The following AKAP11 variants were observed in gnomAD, a reference collection of about 807,000 sequenced individuals.
AKAP11 encodes the protein A-kinase anchor protein 11.
AKAP11 carries 36 observed loss-of-function variants against 146.1 expected under a neutral mutation model. The observed-to-expected ratio is 0.25, with a 90% CI of 0.19 to 0.33. The LOEUF (loss-of-function observed/expected upper bound fraction) is 0.33, where lower values mean the gene tolerates loss of function less well. Ranked by LOEUF, AKAP11 falls within the 10% of genes least tolerant of loss-of-function variation. The probability of loss-of-function intolerance (pLI) is 1.00; values close to 1 mark genes in which losing one functional copy is unlikely to be tolerated. For synonymous variants in AKAP11, 780 were observed against 786.5 expected (o/e 0.99, Z 0.14); for missense variants, 2,201 against 2,197.0 (o/e 1.00, Z -0.04).
chr13:42,305,976 TG>T (rs1960233454), intron 8 of AKAP11, among the ~76,000 whole-genome samples: 1 of 152,126 alleles, frequency 6.6e-6, no homozygotes, highest in African/African-American at 2.4e-5. Context: ...ACTCCCTCAC[TG>T]TCATGAGAAC....
chr13:42,292,859 T>G (rs558513331), intron 4 of AKAP11, among the ~76,000 whole-genome samples: 2 of 152,224 alleles, frequency 1.3e-5, no homozygotes, highest in Non-Finnish European at 2.9e-5. Flanking sequence ...ATGATTCTTA[T>G]GTTGATTTTT....
rs768294940 is a variant in AKAP11, at chr13:42,303,080, A to G, written c.4334A>G (p.Asp1445Gly). ...AATCAAACTTGTGAAAGGACCCTGG[A>G]TCCATATAGAAATGAGGTCTCCCAA... ...CKNQTCERTL[D>G]PYRNEVSQLY... Residue 1445 changes from aspartate (D) to glycine (G), a missense_variant, in exon 8 of 13, where the codon GAT becomes GGT. Around this residue, in one of 3 missense-constraint regions of AKAP11, gnomAD observed 1,867 missense variants for 1,833.5 expected, o/e 1.02. Transcript: ENST00000025301. 1.1e-5 allele frequency: 18 copies of G among 1,613,734 alleles called. No homozygotes were observed. Among genetic ancestry groups the G allele is most frequent in the Non-Finnish European group, 1.5e-5 (18 of 1,179,960 alleles).
intron 5 of AKAP11, 76 bp downstream of exon 5, chr13:42,295,818 T>G: frequency 7.2e-7 from 1 of 1,390,672 alleles, no homozygotes; most frequent in Non-Finnish European, 1.0e-6. Flanking sequence ...CAAAAGTCAT[T>G]TATCTGAGAA....
intron 8 of AKAP11, among the ~76,000 whole-genome samples, chr13:42,304,285 G>C (rs769261567): frequency 6.6e-6 from 1 of 152,210 alleles, no homozygotes; most frequent in Admixed American, 6.5e-5. Context: ...TGCATGTTCT[G>C]AGTAGCATGA....
Position 42,319,366 on chromosome 13 carries a change from C to T in AKAP11, c.*138C>T, listed in dbSNP as rs906939167. 41 of 1,135,614 alleles carry T rather than the reference C, an allele frequency of 3.6e-5. No homozygotes were observed. Among genetic ancestry groups the T allele is most frequent in the Non-Finnish European group, 4.6e-5 (38 of 823,090 alleles). The allele number at this position is 1,135,614 out of a possible 1,614,324, so 70.3% of individuals were successfully genotyped here. On this transcript the variant is annotated 3_prime_UTR_variant, in exon 13 of 13. Transcript: ENST00000025301. ...AGGCAAGTAAATATAGCTTTCTGAG[C>T]GCTTTGTGTTATCACTCGGTGTATA...
chr13:42,283,561 G>A (rs930099764), intron 1 of AKAP11, among the ~76,000 whole-genome samples: 9 of 152,100 alleles, frequency 5.9e-5, no homozygotes, highest in African/African-American at 1.7e-4. Context: ...GTCAAATCCC[G>A]GATGTTGTTT....
intron 9 of AKAP11, among the ~76,000 whole-genome samples, chr13:42,309,905 A>T (rs557845974): frequency 3.9e-5 from 6 of 152,364 alleles, no homozygotes; most frequent in African/African-American, 1.4e-4. Flanking sequence ...ACTTGTAGTC[A>T]GTTGAACAAC....
At chr13:42,314,122 T>C (rs1021193646) in intron 11 of AKAP11, among the ~76,000 whole-genome samples, 182 bp downstream of exon 11, 2 of 152,188 alleles carry the variant, frequency 1.3e-5, no homozygotes, top group African/African-American at 2.4e-5. Flanking sequence ...TTTTATTTGA[T>C]TGCTACACTA....
At chr13:42,285,105 G>A (rs1335171184) in intron 1 of AKAP11, among the ~76,000 whole-genome samples, 2 of 152,104 alleles carry the variant, frequency 1.3e-5, no homozygotes, top group African/African-American at 4.8e-5. Context: ...AAGTTCTGAC[G>A]GTGGGGGGCT....
chr13:42,286,084 TATA>T (rs1302045176), intron 2 of AKAP11, 49 bp downstream of exon 2: 6 of 235,826 alleles, frequency 2.5e-5, no homozygotes, highest in Admixed American at 1.7e-4. Flanking sequence ...ATAAGATTTT[TATA>T]ATAATTTTCT....
chr13:42,276,481 A>G (rs1958921281), intron 1 of AKAP11, among the ~76,000 whole-genome samples: 1 of 152,166 alleles, frequency 6.6e-6, no homozygotes, highest in African/African-American at 2.4e-5. Flanking sequence ...CCTGGGCTCA[A>G]GCCGTCCACC....
chr13:42,295,072 C>T (rs967187948), intron 4 of AKAP11, among the ~76,000 whole-genome samples: 4 of 152,110 alleles, frequency 2.6e-5, no homozygotes, highest in Admixed American at 1.3e-4. Context: ...GGTGGTATCA[C>T]AGAGTCAATG....
At position 42,302,143 on chromosome 13, in the gene AKAP11, G is replaced by A; in HGVS notation, c.3397G>A (p.Ala1133Thr). The change falls in exon 8 of 13, where the codon GCA (alanine) becomes ACA (threonine). Residue 1133 changes from alanine (A) to threonine (T), a missense_variant. Physicochemically the swap from Ala to Thr is moderately conservative, Grantham distance 58. Transcript: ENST00000025301. ...CAAGGGAGAATTAGCCAAAGAGTTTGCACCTGCTACACCACCTTCTACTCC... is the reference window on the plus strand; with the variant it reads ...CAAGGGAGAATTAGCCAAAGAGTTTACACCTGCTACACCACCTTCTACTCC... ...KLKGELAKEF[A>T]PATPPSTPHN... 3.1e-6 allele frequency: 5 copies of A among 1,614,168 alleles called. No individual in the cohort carries two copies. Among genetic ancestry groups the A allele is most frequent in the Non-Finnish European group, 4.2e-6 (5 of 1,180,016 alleles).
At chr13:42,293,199 G>A (rs1383830914) in intron 4 of AKAP11, among the ~76,000 whole-genome samples, 3 of 152,092 alleles carry the variant, frequency 2.0e-5, no homozygotes, top group Admixed American at 6.6e-5. Flanking sequence ...TAATAAAATC[G>A]TGGTTATAGA....
rs34919102 is a variant in AKAP11 at position 42,297,989 on chromosome 13, T to C, written c.352-544T>C. On this transcript the variant is annotated intron_variant, in intron 6 of 12. Coordinates refer to ENST00000025301, the MANE Select transcript of AKAP11 (RefSeq NM_016248.4). The stretch of plus-strand genomic sequence containing the variant: ...ATCAGTATTTACTTGAAAAAAGTAG[T>C]ATGAGGGGGAAAATCTGGTTACTTG... Among the ~76,000 whole-genome samples, 889 of 151,956 alleles carry C rather than the reference T, an allele frequency of 5.9e-3. 4 individuals are homozygous for C. Among genetic ancestry groups the C allele is most frequent in the Admixed American group, 6.9e-3 (105 of 15,248 alleles).
chr13:42,319,036 CT>C (rs1960963679), intron 12 of AKAP11, 51 bp from the exon 13 acceptor site: 1 of 1,546,338 alleles, frequency 6.5e-7, no homozygotes, highest in South Asian at 1.2e-5. Context: ...AAAATAAAAG[CT>C]TTGTTATAAA....
chr13:42,311,285 C>G (rs1009537137), intron 9 of AKAP11, among the ~76,000 whole-genome samples: 4 of 152,138 alleles, frequency 2.6e-5, no homozygotes, highest in South Asian at 2.1e-4. Flanking sequence ...GTGATGGAAG[C>G]AGGGTAGTGT....
intron 1 of AKAP11, among the ~76,000 whole-genome samples, chr13:42,274,344 G>T (rs1243562559): frequency 6.6e-6 from 1 of 152,120 alleles, no homozygotes; most frequent in Admixed American, 6.5e-5. Flanking sequence ...AAAGATCCAA[G>T]TGTCTCGATT....
chr13:42,315,950 G>T (rs1156502475), intron 11 of AKAP11, among the ~76,000 whole-genome samples: 5 of 152,144 alleles, frequency 3.3e-5, no homozygotes, highest in Non-Finnish European at 7.3e-5. Flanking sequence ...CCGTTTGGAG[G>T]TTCTTGTAGG....
Sources: allele counts gnomAD v4.1 joint callset (sites outside exome capture counted in the v4.1 genomes callset), GRCh38; gene constraint gnomAD v4.1.1; regional missense constraint gnomAD v4.1.1; transcripts MANE v1.5; gene names NCBI Gene and HGNC (gene_info 2026-07-23, HGNC 2026-07-21).